NBEAL1: variants seen among roughly 807,000 people sequenced by gnomAD.
NBEAL1 encodes the protein neurobeachin like 1, also known as neurobeachin-like protein 1.
In NBEAL1, 273 loss-of-function variants were observed where a neutral mutation model predicts 351.3. The ratio of observed to expected loss-of-function variants is 0.78; its 90% CI spans 0.70 to 0.86. The LOEUF is 0.86. NBEAL1 is among the 40% of genes least tolerant of loss of function. The pLI is 0.00. For synonymous variants in NBEAL1, 1,050 were observed against 1,086.4 expected, an observed-to-expected ratio of 0.97 and a Z score of 0.66; for missense variants, 2,961 against 3,201.3, an observed-to-expected ratio of 0.92 and a Z score of 1.81.
chr2:203,120,071 T>G, intron 18 of NBEAL1, among the ~76,000 whole-genome samples: 1 of 152,196 alleles, frequency 6.6e-6, no homozygotes. Context: ...AAGCTTACAA[T>G]CTAAAGCAAA....
intron 47 of NBEAL1, 79 bp downstream of exon 47, chr2:203,193,990 G>A: frequency 1.4e-6 from 1 of 732,756 alleles, no homozygotes; most frequent in Non-Finnish European, 2.3e-6. Context: ...TATTTAATGG[G>A]AAGTAAGGAT....
chr2:203,058,956 A>G (rs1182179152), intron 6 of NBEAL1, among the ~76,000 whole-genome samples: 3 of 152,232 alleles, frequency 2.0e-5, no homozygotes, highest in Admixed American at 1.3e-4. Flanking sequence ...ATCACTCTCA[A>G]TCAGACCTCT....
At chr2:203,021,919 C>T (rs1389459122) in intron 2 of NBEAL1, among the ~76,000 whole-genome samples, 1 of 151,748 alleles carries the variant, frequency 6.6e-6, no homozygotes, top group Non-Finnish European at 1.5e-5. Flanking sequence ...GGCACGGTGG[C>T]GGGCACCTGT....
chr2:203,158,453 A>C (rs1334159967), intron 36 of NBEAL1, among the ~76,000 whole-genome samples: 1 of 152,148 alleles, frequency 6.6e-6, no homozygotes, highest in Non-Finnish European at 1.5e-5. Flanking sequence ...GAAACAGATA[A>C]CCTGAAAAGC....
chr2:203,136,380 A>G, intron 28 of NBEAL1, 128 bp downstream of exon 28: 10 of 842,148 alleles, frequency 1.2e-5, no homozygotes, highest in African/African-American at 1.7e-5. Context: ...TTCATGATCT[A>G]AGGTTTAGAA....
At chr2:203,122,139 T>C (rs771997458) in intron 18 of NBEAL1, 115 bp from the exon 19 acceptor site, 8 of 579,172 alleles carry the variant, frequency 1.4e-5, no homozygotes, top group Admixed American at 4.0e-5. Flanking sequence ...ATTATGGGCA[T>C]CTTATCTTTG....
intron 35 of NBEAL1, 59 bp from the exon 36 acceptor site, chr2:203,157,640 G>A (rs999314876): frequency 1.5e-6 from 2 of 1,303,638 alleles, no homozygotes; most frequent in East Asian, 2.6e-5. Context: ...AGAAATTACA[G>A]AAAGGCTATA....
At chr2:203,215,315 A>G (rs939457600) in intron 55 of NBEAL1, among the ~76,000 whole-genome samples, 1 of 152,192 alleles carries the variant, frequency 6.6e-6, no homozygotes, top group Non-Finnish European at 1.5e-5. Flanking sequence ...CCTGGCCAAC[A>G]TGGTGAAACC....
At chr2:203,097,865 G>C (rs562269235) in intron 11 of NBEAL1, among the ~76,000 whole-genome samples, 1 of 152,264 alleles carries the variant, frequency 6.6e-6, no homozygotes, top group East Asian at 1.9e-4. Context: ...CTCTACGTGT[G>C]TATGGTCTTT....
At position 203,099,679 on chromosome 2, in the gene NBEAL1, G is replaced by T; in HGVS notation, c.1236G>T (p.Leu412Phe). The change falls in exon 12 of 56, where the codon TTG becomes TTT. Residue 412 changes from leucine to phenylalanine, a missense_variant. Coordinates refer to ENST00000683969, the MANE Select transcript of NBEAL1 (RefSeq NM_001378026.1). Reference protein sequence around the residue: ...DCLAISTIQALTAVMNKSPAA... With the variant: ...DCLAISTIQAFTAVMNKSPAA... ...TGGCCATATCAACCATTCAGGCTTT[G>T]ACCGCAGTAATGAACAAATCTCCAG... The T allele has an allele frequency of 6.4e-7, 1 of 1,551,182 alleles. No homozygotes were observed. The highest frequency in any genetic ancestry group is 1.2e-5 in the South Asian group (1 of 83,862).
chr2:203,051,551 A>C (rs1411599430), intron 4 of NBEAL1, among the ~76,000 whole-genome samples: 3 of 152,044 alleles, frequency 2.0e-5, no homozygotes. Context: ...TCTCAAAAAA[A>C]AAAAAAAGGT....
intron 15 of NBEAL1, among the ~76,000 whole-genome samples, chr2:203,110,767 C>T (rs376940764): frequency 1.0e-3 from 107 of 106,466 alleles, no homozygotes; most frequent in Middle Eastern, 6.8e-3. Context: ...TTTCTTTTTT[C>T]TTTTTTTTTT....
At chr2:203,069,774 C>T (rs202140954) in intron 7 of NBEAL1, among the ~76,000 whole-genome samples, 1 of 152,132 alleles carries the variant, frequency 6.6e-6, no homozygotes, top group East Asian at 1.9e-4. Flanking sequence ...CCTCTCACCT[C>T]AACCTCCCAA....
chr2:203,026,285 A>G (rs1038607647), intron 2 of NBEAL1, among the ~76,000 whole-genome samples: 2 of 151,900 alleles, frequency 1.3e-5, no homozygotes, highest in Non-Finnish European at 2.9e-5. Context: ...TACCTTATTC[A>G]TTTTTTTCTA....
chr2:203,014,608 A>T (rs1349441225), upstream of NBEAL1: 2 of 152,258 alleles, frequency 1.3e-5, no homozygotes, highest in Non-Finnish European at 2.9e-5. Flanking sequence ...TCAGCACGTC[A>T]GCCCTCCTCC....
chr2:203,059,583 GA>G (rs1227155820), intron 6 of NBEAL1, among the ~76,000 whole-genome samples: 2 of 152,228 alleles, frequency 1.3e-5, no homozygotes, highest in Non-Finnish European at 2.9e-5. Flanking sequence ...TCATTGTCCA[GA>G]ACTGTGATTA....
chr2:203,178,778 G>A lies in NBEAL1; in HGVS notation c.6465-1604G>A, dbSNP rs567917486. On this transcript the variant is annotated intron_variant, in intron 42 of 55. Coordinates refer to ENST00000683969, the MANE Select transcript of NBEAL1 (RefSeq NM_001378026.1). ...GTACATTAGCAGTCTCCAGGGGTGG[G>A]AGTAGGGTGAATGGGCAGTGACTGC... 2.6e-5 allele frequency among the ~76,000 whole-genome samples: 4 copies of A among 152,324 alleles called. No homozygotes were observed. The South Asian group carries it at 8.3e-4, about 32-fold the overall frequency.
chr2:203,100,164 G>A (rs1004800433), intron 12 of NBEAL1, among the ~76,000 whole-genome samples: 2 of 152,066 alleles, frequency 1.3e-5, no homozygotes, highest in African/African-American at 4.8e-5. Context: ...TTGGCTTTAG[G>A]TTGATTCCAT....
intron 12 of NBEAL1, among the ~76,000 whole-genome samples, chr2:203,104,003 A>G (rs1162555770): frequency 1.3e-5 from 2 of 152,122 alleles, no homozygotes; most frequent in African/African-American, 4.8e-5. Context: ...AAATTTGCTG[A>G]AGATTATTTT....
Sources: gnomAD v4.1 joint callset for allele counts (sites outside exome capture counted in the v4.1 genomes callset) on GRCh38, gnomAD v4.1.1 for gene constraint, MANE v1.5 for transcripts, NCBI Gene and HGNC (gene_info 2026-07-23, HGNC 2026-07-21) for gene names.